The following IGDCC3 variants were observed in gnomAD, a reference collection of about 807,000 sequenced individuals.
IGDCC3 encodes the protein immunoglobulin superfamily DCC subclass member 3, also known as putative neuronal cell adhesion molecule.
In IGDCC3, 47 loss-of-function variants were observed where a neutral mutation model predicts 72.0. The observed-to-expected ratio is 0.65, with a 90% confidence interval of 0.52 to 0.83. The LOEUF is 0.83. Among genes scored for constraint, IGDCC3 ranks in the 40% least tolerant of loss-of-function variants. The pLI, the probability that IGDCC3 is intolerant of heterozygous loss-of-function variation, is 0.00. For synonymous variants in IGDCC3, 477 were observed against 472.8 expected, an observed-to-expected ratio of 1.01 and a Z score of -0.11; for missense variants, 1,038 against 1,091.3, an observed-to-expected ratio of 0.95 and a Z score of 0.69.
At chr15:65,356,135 A>T (rs2091218601) in intron 2 of IGDCC3, 1 of 186,310 alleles carries the variant, frequency 5.4e-6, no homozygotes, top group African/African-American at 2.4e-5. Context: ...GCATTCAAAG[A>T]CCTAATCCCA....
Position 65,331,931 on chromosome 15 carries a change from A to G in IGDCC3, c.1148+10T>C. The stretch of plus-strand genomic sequence containing the variant: ...CCTGGTCCTCACCCCAGCACACACC[A>G]CACACATACCTGTTGTTATTCTTGA... On this transcript the variant is annotated intron_variant, in intron 7 of 13. Coordinates refer to ENST00000327987, the MANE Select transcript of IGDCC3 (RefSeq NM_004884.4). 1 of 1,611,604 alleles carries G rather than the reference A, an allele frequency of 6.2e-7. No individual in the cohort carries two copies. Among genetic ancestry groups the G allele is most frequent in the Non-Finnish European group, 8.5e-7 (1 of 1,179,440 alleles).
At chr15:65,350,654 GT>G (rs2091166236) in intron 2 of IGDCC3, among the ~76,000 whole-genome samples, 1 of 151,882 alleles carries the variant, frequency 6.6e-6, no homozygotes, top group Non-Finnish European at 1.5e-5. Context: ...TAGAGATAGG[GT>G]TTAACTGTGT....
intron 11 of IGDCC3, 79 bp downstream of exon 11, chr15:65,330,214 G>T (rs2090963652): frequency 9.7e-7 from 1 of 1,035,118 alleles, no homozygotes; most frequent in African/African-American, 1.6e-5. Flanking sequence ...GTGTTTTCAA[G>T]CGTGGCACAT....
Position 65,333,273 on chromosome 15 carries a change from G to A in IGDCC3, c.966C>T (p.Gly322=). 6.2e-7 allele frequency: 1 copy of A among 1,610,466 alleles called. No individual in the cohort carries two copies. Among genetic ancestry groups the A allele is most frequent in the Non-Finnish European group, 8.5e-7 (1 of 1,178,634 alleles). The change falls in exon 6 of 14, where the codon GGC becomes GGT. Residue 322 remains glycine (G), a synonymous_variant. Coordinates refer to ENST00000327987, the MANE Select transcript of IGDCC3 (RefSeq NM_004884.4). Reference sequence around the variant, plus strand: ...GATCCATACCTTGCACCACCAGCCGGCCCTGTGCCGTTCTCCTCACCCGGG... The same window carrying A: ...GATCCATACCTTGCACCACCAGCCGACCCTGTGCCGTTCTCCTCACCCGGG... The part of the protein sequence containing the change: ...PGTRVRRTAQ[G]RLVVQAPAEF...
rs2091365967 is a variant in IGDCC3, at chr15:65,377,489, C to T, written c.103+197G>A. Among the ~76,000 whole-genome samples the T allele has an allele frequency of 6.6e-6, 1 of 152,196 alleles. No individual in the cohort carries two copies. The highest frequency in any genetic ancestry group is 2.4e-5 in the African/African-American group (1 of 41,464). On this transcript the variant is annotated intron_variant, in intron 1 of 13. Transcript: ENST00000327987. This position sits in a 1 kb window ranked among gnomAD's most constrained non-coding sequence, Gnocchi z 4.9. ...GTCTTCCTCCGGGGGGTTCCGTCCTCAACACGCCCCTAGGGCCCCCAGCAG... is the reference window on the plus strand; with the variant it reads ...GTCTTCCTCCGGGGGGTTCCGTCCTTAACACGCCCCTAGGGCCCCCAGCAG...
chr15:65,344,553 A>G (rs1160150255), intron 2 of IGDCC3, among the ~76,000 whole-genome samples: 1 of 152,168 alleles, frequency 6.6e-6, no homozygotes, highest in Non-Finnish European at 1.5e-5. Context: ...GGGAGGTTGG[A>G]TTCCGCTTGG....
chr15:65,355,975 GT>G (rs1484558975), intron 2 of IGDCC3: 1 of 264,434 alleles, frequency 3.8e-6, no homozygotes, highest in East Asian at 1.6e-4. Flanking sequence ...TTCACCTTCC[GT>G]GGAAGCTGGG....
In IGDCC3 at chr15:65,333,305, G is replaced by GTC; in HGVS notation, c.932_933dup (p.Pro312AspfsTer6). 2 of 1,613,094 alleles carry GTC rather than the reference G, an allele frequency of 1.2e-6. No homozygotes were observed. Among genetic ancestry groups the GTC allele is most frequent in the Non-Finnish European group, 1.7e-6 (2 of 1,179,650 alleles). On this transcript the variant is annotated frameshift_variant, in exon 6 of 14. Coordinates refer to ENST00000327987, the MANE Select transcript of IGDCC3 (RefSeq NM_004884.4). LOFTEE classifies it high-confidence loss of function. ...GCCGTTCTCCTCACCCGGGTGCCAG[G>GTC]TCTGTTGGCTGCACAGACGTAGACG...
At chr15:65,360,072 T>G (rs1251285570) in intron 2 of IGDCC3, among the ~76,000 whole-genome samples, 1 of 152,142 alleles carries the variant, frequency 6.6e-6, no homozygotes, top group African/African-American at 2.4e-5. Context: ...CCACAATGTT[T>G]GCAGACAAGT....
Position 65,329,630 on chromosome 15 carries a change from A to G in IGDCC3, c.1998-33T>C. The G allele has an allele frequency of 6.2e-7, 1 of 1,611,688 alleles. No individual in the cohort carries two copies. The highest frequency in any genetic ancestry group is 8.5e-7 in the Non-Finnish European group (1 of 1,178,326). On this transcript the variant is annotated intron_variant, in intron 12 of 13. Transcript: ENST00000327987. The surrounding 1 kb of genome is among the most constrained non-coding windows in gnomAD (Gnocchi z 4.1). ...TTAGCCAAGAGTTGGGGGGAGGGAG[A>G]GAGAAAAGAGACAGAGGCAGTGAGC... is the stretch of plus-strand genomic sequence containing the variant.
intron 2 of IGDCC3, chr15:65,355,808 A>G (rs1225927863): frequency 2.2e-6 from 1 of 452,778 alleles, no homozygotes; most frequent in East Asian, 7.1e-5. Context: ...TCGCACGCCA[A>G]ACGAGGGTTT....
intron 5 of IGDCC3, 56 bp from the exon 6 acceptor site, chr15:65,333,471 G>A: frequency 2.0e-6 from 3 of 1,470,108 alleles, no homozygotes; most frequent in Non-Finnish European, 2.7e-6. Flanking sequence ...ATGGAAGAAG[G>A]AAAGTAAAGG....
At chr15:65,335,502 C>T in intron 3 of IGDCC3, 81 bp from the exon 4 acceptor site, 1 of 1,408,630 alleles carries the variant, frequency 7.1e-7, no homozygotes, top group Non-Finnish European at 9.8e-7. Flanking sequence ...ATCCAAGATA[C>T]AGCCCAGGAC....
intron 2 of IGDCC3, among the ~76,000 whole-genome samples, chr15:65,341,341 T>C (rs2091079547): frequency 6.6e-6 from 1 of 152,158 alleles, no homozygotes; most frequent in South Asian, 2.1e-4. Context: ...AAATTAAAAA[T>C]AGAATTAGCA....
In IGDCC3 at chr15:65,339,403, C is replaced by G. The variant is rs1007556154; in HGVS notation, c.410-3447G>C. ...CCAATTTTTGTATTTCTTATAGAGA[C>G]AGGGTCTCCCTACGTTGCCCGGACT... On this transcript the variant is annotated intron_variant, in intron 2 of 13. Transcript: ENST00000327987. This position sits in a 1 kb window ranked among gnomAD's most constrained non-coding sequence, Gnocchi z 4.1. 2.0e-5 allele frequency among the ~76,000 whole-genome samples: 3 copies of G among 152,218 alleles called. No individual in the cohort carries two copies. Among genetic ancestry groups the G allele is most frequent in the African/African-American group, 7.2e-5 (3 of 41,464 alleles).
intron 2 of IGDCC3, among the ~76,000 whole-genome samples, chr15:65,366,983 T>C (rs1334674438): frequency 2.0e-5 from 3 of 152,212 alleles, no homozygotes; most frequent in Non-Finnish European, 4.4e-5. Context: ...GTGGGGATGG[T>C]GCAGTGCAGG....
chr15:65,340,969 T>G (rs546001505), intron 2 of IGDCC3, among the ~76,000 whole-genome samples: 5 of 152,352 alleles, frequency 3.3e-5, no homozygotes, highest in Admixed American at 6.5e-5. Flanking sequence ...CCTCAAGTGA[T>G]CCACCTGCCT....
At chr15:65,372,353 A>T (rs779372341) in intron 2 of IGDCC3, among the ~76,000 whole-genome samples, 1 of 152,190 alleles carries the variant, frequency 6.6e-6, no homozygotes, top group Non-Finnish European at 1.5e-5. Flanking sequence ...TGGAGCTGCA[A>T]TGCAGAGTCT....
intron 3 of IGDCC3, 95 bp downstream of exon 3, chr15:65,335,717 A>G: frequency 1.4e-6 from 2 of 1,423,588 alleles, no homozygotes; most frequent in Non-Finnish European, 2.0e-6. Flanking sequence ...GTGGGCACCA[A>G]CTGCAGCTCC....
Sources: gnomAD v4.1 joint callset for allele counts (sites outside exome capture counted in the v4.1 genomes callset) on GRCh38, gnomAD v4.1.1 for gene constraint, Gnocchi (gnomAD v3.1) non-coding constraint, MANE v1.5 for transcripts, NCBI Gene and HGNC (gene_info 2026-07-23, HGNC 2026-07-21) for gene names.